GP6: variants seen among roughly 807,000 people sequenced by gnomAD.
The protein encoded by GP6 is glycoprotein VI platelet.
A neutral mutation model predicts 37.3 loss-of-function variants in GP6; 45 were observed. The ratio of observed to expected loss-of-function variants is 1.21; its 90% CI spans 0.95 to 1.55. The LOEUF is 1.55. Among genes scored for constraint, GP6 ranks in the 40% most tolerant of loss-of-function variants. GP6 has a pLI of 0.00. For synonymous variants in GP6, 340 were observed against 316.4 expected (o/e 1.07, Z -0.79); for missense variants, 813 against 760.2 (o/e 1.07, Z -0.82).
chr19:55,031,817 T>C (rs2074568095), intron 3 of GP6, among the ~76,000 whole-genome samples: 2 of 151,922 alleles, frequency 1.3e-5, no homozygotes, highest in South Asian at 4.1e-4. Context: ...TATAAAAACA[T>C]AAAAAATGAG....
At chr19:55,017,525 G>A (rs965774708) in intron 6 of GP6, among the ~76,000 whole-genome samples, 26 of 152,120 alleles carry the variant, frequency 1.7e-4, no homozygotes, top group Non-Finnish European at 3.4e-4. Flanking sequence ...ATGGGGAAAT[G>A]GAAGAAAAGG....
chr19:55,033,608 A>T (rs1442128869), intron 1 of GP6, among the ~76,000 whole-genome samples: 1 of 152,214 alleles, frequency 6.6e-6, no homozygotes, highest in Non-Finnish European at 1.5e-5. Flanking sequence ...GGGACCTGAG[A>T]CATTGCTGTC....
intron 1 of GP6, among the ~76,000 whole-genome samples, chr19:55,037,900 C>T (rs1033660742): frequency 6.6e-6 from 1 of 151,998 alleles, no homozygotes; most frequent in Non-Finnish European, 1.5e-5. Flanking sequence ...AGATTACAGG[C>T]GTGAGCCACT....
In GP6 at chr19:55,015,023, C is replaced by T. The variant is rs777208826; in HGVS notation, c.922G>A (p.Glu308Lys). The change falls in exon 8 of 8, where the codon GAG becomes AAG. Residue 308 changes from glutamate (E) to lysine (K), a missense_variant. Coordinates refer to ENST00000310373, the MANE Select transcript of GP6 (RefSeq NM_001083899.2). ...GGGGCGGGAGGGGCGGAAGCGGCCTCTGCACAGCCCTGCCCCTGTGCCGCA... is the reference window on the plus strand; with the variant it reads ...GGGGCGGGAGGGGCGGAAGCGGCCTTTGCACAGCCCTGCCCCTGTGCCGCA... The T allele has an allele frequency of 1.2e-6, 2 of 1,611,638 alleles. No homozygotes were observed. Among genetic ancestry groups the T allele is most frequent in the Admixed American group, 1.7e-5 (1 of 59,726 alleles).
intron 1 of GP6, among the ~76,000 whole-genome samples, chr19:55,034,150 A>ATGCG (rs1951959212): frequency 6.7e-6 from 1 of 149,158 alleles, no homozygotes; most frequent in South Asian, 2.1e-4. Flanking sequence ...ATATGTATGC[A>ATGCG]TGTGTGTGTG....
Position 55,014,976 on chromosome 19 carries a change from T to G in GP6, c.969A>C (p.Lys323Asn). 1 of 1,613,308 alleles carries G rather than the reference T, an allele frequency of 6.2e-7. No homozygotes were observed. Among genetic ancestry groups the G allele is most frequent in the Non-Finnish European group, 8.5e-7 (1 of 1,179,716 alleles). ...CTGTCGGCCTCCATCCTGACCCCCGTTTGATTTCCGGGTCAGCGGGAGGGG... is the reference window on the plus strand; with the variant it reads ...CTGTCGGCCTCCATCCTGACCCCCGGTTGATTTCCGGGTCAGCGGGAGGGG... Residue 323 changes from lysine (K) to asparagine (N), a missense_variant, in exon 8 of 8, where the codon AAA becomes AAC. By Grantham distance (94) the Lys-to-Asn change is moderately conservative. Transcript: ENST00000310373.
rs775768250 is a variant in GP6 at position 55,014,458 on chromosome 19, G to A, written c.1487C>T (p.Ser496Phe). The A allele has an allele frequency of 8.1e-6, 13 of 1,613,606 alleles. No homozygotes were observed. In the East Asian group the frequency reaches 2.7e-4, roughly 33 times the overall value. ...AAGGAGATTTGTTAGACCGCAGTGG[G>A]AGATGGAGTGAGGGTGAGAGTTTCT... Residue 496 changes from serine (S) to phenylalanine (F), a missense_variant, in exon 8 of 8, where the codon TCC becomes TTC. Coordinates refer to ENST00000310373, the MANE Select transcript of GP6 (RefSeq NM_001083899.2).
At chr19:55,020,976 C>G (rs2074055016) in intron 5 of GP6, among the ~76,000 whole-genome samples, 1 of 149,540 alleles carries the variant, frequency 6.7e-6, no homozygotes, top group Non-Finnish European at 1.5e-5. Flanking sequence ...CACTTGAACC[C>G]TGGAGGCAGA....
At chr19:55,017,582 C>T (rs998394591) in intron 6 of GP6, among the ~76,000 whole-genome samples, 5 of 151,922 alleles carry the variant, frequency 3.3e-5, no homozygotes, top group African/African-American at 1.2e-4. Flanking sequence ...TAGGAAGCCT[C>T]CAGGAGAGCT....
At chr19:55,030,356 T>C (rs1671200) in intron 3 of GP6, among the ~76,000 whole-genome samples, 2 of 118,138 alleles carry the variant, frequency 1.7e-5, no homozygotes, top group Non-Finnish European at 3.6e-5. Flanking sequence ...TCTCTTTTTT[T>C]TTTTTTCCCA....
intron 1 of GP6, 106 bp downstream of exon 1, chr19:55,038,097 C>T (rs1245390882): frequency 2.2e-5 from 21 of 945,120 alleles, no homozygotes; most frequent in Non-Finnish European, 3.2e-5. Context: ...TTACAGGTTC[C>T]TTTTTGTCCT....
rs1369631926 is a variant in GP6 at position 55,033,024 on chromosome 19, G to A, written c.35-486C>T. Among the ~76,000 whole-genome samples the A allele has an allele frequency of 2.8e-5, 3 of 107,638 alleles. No homozygotes were observed. In the Admixed American group the frequency reaches 2.9e-4, roughly 10 times the overall value. 70.6% of individuals were successfully genotyped at this position (107,638 alleles called of 152,430 possible). The stretch of plus-strand genomic sequence containing the variant: ...CGTGTTAGACGCGGTGGACTCGTTC[G>A]TGTTAGACACGGTGGACTCGTTCGT... On this transcript the variant is annotated intron_variant, in intron 1 of 7. Transcript: ENST00000310373.
At chr19:55,016,342 G>A (rs2073873363) in intron 6 of GP6, among the ~76,000 whole-genome samples, 1 of 150,324 alleles carries the variant, frequency 6.7e-6, no homozygotes, top group African/African-American at 2.4e-5. Flanking sequence ...ATAAAGCACC[G>A]TGCTTGACAT....
intron 4 of GP6, 104 bp from the exon 5 acceptor site, chr19:55,025,375 C>CT (rs760991514): frequency 7.8e-6 from 6 of 771,202 alleles, no homozygotes; most frequent in African/African-American, 1.7e-5. Flanking sequence ...AAAAATGAGC[C>CT]TAAAGTAGCT....
chr19:55,024,127 A>G (rs1602572067), intron 5 of GP6, among the ~76,000 whole-genome samples: 1 of 152,338 alleles, frequency 6.6e-6, no homozygotes, highest in African/African-American at 2.4e-5. Flanking sequence ...TACTCTAATT[A>G]CGTAAGATGT....
At position 55,014,900 on chromosome 19, in the gene GP6, A is replaced by G. The variant is rs776886080; in HGVS notation, c.1045T>C (p.Ser349Pro). ...TGCCATGATCCCTCCCTTGGATACG[A>G]CCGTGCCTGGGGTTCAGCGGTCATG... is the stretch of plus-strand genomic sequence containing the variant. The change falls in exon 8 of 8, where the codon TCG (serine) becomes CCG (proline). Residue 349 changes from serine to proline, a missense_variant. Coordinates refer to ENST00000310373, the MANE Select transcript of GP6 (RefSeq NM_001083899.2). 6 of 1,613,300 alleles carry G rather than the reference A, an allele frequency of 3.7e-6. No individual in the cohort carries two copies. Among genetic ancestry groups the G allele is most frequent in the African/African-American group, 2.7e-5 (2 of 74,796 alleles).
In GP6 at chr19:55,014,712, G is replaced by A; in HGVS notation, c.1233C>T (p.Ser411=). ...TCCACAGATTCCTTCCATCCCAAATGGAGGGTGCCCTCAGACAGAGAGGCA... is the reference window on the plus strand; with the variant it reads ...TCCACAGATTCCTTCCATCCCAAATAGAGGGTGCCCTCAGACAGAGAGGCA... The change falls in exon 8 of 8, where the codon TCC becomes TCT. Residue 411 remains serine (S), a synonymous_variant. Coordinates refer to ENST00000310373, the MANE Select transcript of GP6 (RefSeq NM_001083899.2). The A allele has an allele frequency of 6.2e-7, 1 of 1,613,956 alleles. No homozygotes were observed.
chr19:55,014,062 A>C lies in GP6; in HGVS notation c.*20T>G, dbSNP rs1342767030. On this transcript the variant is annotated 3_prime_UTR_variant, in exon 8 of 8. Coordinates refer to ENST00000310373, the MANE Select transcript of GP6 (RefSeq NM_001083899.2). ...GGGGTGGACAGCAATATTGCAGTACATGTATACAACGTGCTATGATCAAAT... is the reference window on the plus strand; with the variant it reads ...GGGGTGGACAGCAATATTGCAGTACCTGTATACAACGTGCTATGATCAAAT... The C allele has an allele frequency of 6.5e-6, 4 of 613,926 alleles. No homozygotes were observed. Among genetic ancestry groups the C allele is most frequent in the South Asian group, 6.1e-5 (4 of 65,940 alleles). 38.0% of individuals were successfully genotyped at this position (613,926 alleles called of 1,614,324 possible).
Position 55,025,516 on chromosome 19 carries a change from G to A in GP6, c.611-245C>T, listed in dbSNP as rs1616245. On this transcript the variant is annotated intron_variant, in intron 4 of 7. Transcript: ENST00000310373. ...AGGTCAGGAGTTCAAGCCCAGCCTG[G>A]CCAGTATGGTGAAACCCCGTCTCCA... Among the ~76,000 whole-genome samples the A allele has an allele frequency of 0.75, 114,069 of 151,802 alleles. 43,861 individuals are homozygous for A. The highest frequency in any genetic ancestry group is 0.84 in the Middle Eastern group (248 of 294).
Sources: gnomAD v4.1 joint callset for allele counts (sites outside exome capture counted in the v4.1 genomes callset) on GRCh38, gnomAD v4.1.1 for gene constraint, MANE v1.5 for transcripts, NCBI Gene and HGNC (gene_info 2026-07-23, HGNC 2026-07-21) for gene names.